The following GRM5 variants were observed in gnomAD, a reference collection of about 807,000 sequenced individuals.
The protein encoded by GRM5 is glutamate metabotropic receptor 5.
Under a neutral mutation model 83.1 loss-of-function variants are expected in GRM5, and 19 were observed. The observed-to-expected ratio is 0.23, with a 90% CI of 0.16 to 0.34. GRM5 has a LOEUF of 0.34. Ranked by LOEUF, GRM5 falls within the 10% of genes least tolerant of loss-of-function variation. The pLI, the probability that GRM5 is intolerant of heterozygous loss-of-function variation, is 1.00. For synonymous variants in GRM5, 675 were observed against 633.6 expected (o/e 1.07, Z -0.98); for missense variants, 1,160 against 1,588.3 (o/e 0.73, Z 4.58).
intron 2 of GRM5, among the ~76,000 whole-genome samples, chr11:89,018,062 A>G (rs549540999): frequency 6.6e-5 from 10 of 152,284 alleles, no homozygotes; most frequent in South Asian, 4.1e-4. Context: ...GATAATTTAA[A>G]TTTCAGGTTT....
chr11:88,669,273 A>G (rs1012138959), intron 3 of GRM5, among the ~76,000 whole-genome samples: 4 of 152,128 alleles, frequency 2.6e-5, no homozygotes, highest in Non-Finnish European at 5.9e-5. Flanking sequence ...AGAAAACGTG[A>G]CAAATTCAAC....
At chr11:88,614,760 G>C (rs1349235974) in intron 4 of GRM5, among the ~76,000 whole-genome samples, 1 of 152,118 alleles carries the variant, frequency 6.6e-6, no homozygotes, top group Non-Finnish European at 1.5e-5. Flanking sequence ...TATCCACACT[G>C]TATATATAAA....
At chr11:88,875,464 G>A (rs763515840) in intron 2 of GRM5, among the ~76,000 whole-genome samples, 4 of 151,802 alleles carry the variant, frequency 2.6e-5, no homozygotes, top group African/African-American at 4.8e-5. Flanking sequence ...TCATCCATGA[G>A]GGTTGGAATC....
At chr11:88,974,836 T>C (rs564408688) in intron 2 of GRM5, among the ~76,000 whole-genome samples, 1 of 152,252 alleles carries the variant, frequency 6.6e-6, no homozygotes, top group South Asian at 2.1e-4. Context: ...AGGAACATAC[T>C]AGAAAGAAAA....
At chr11:88,696,179 T>C (rs1259965198) in intron 3 of GRM5, among the ~76,000 whole-genome samples, 1 of 152,054 alleles carries the variant, frequency 6.6e-6, no homozygotes, top group Non-Finnish European at 1.5e-5. Flanking sequence ...TGCCCAGCGG[T>C]AGGGCTCTCC....
intron 4 of GRM5, among the ~76,000 whole-genome samples, chr11:88,625,799 TAAAAGCAACAA>T (rs911843658): frequency 4.0e-5 from 6 of 151,618 alleles, no homozygotes; most frequent in African/African-American, 1.5e-4. Context: ...GAAATGAAAA[TAAAAGCAACAA>T]AAAAATCAGA....
At chr11:88,747,970 G>A (rs765975294) in intron 3 of GRM5, among the ~76,000 whole-genome samples, 1 of 152,102 alleles carries the variant, frequency 6.6e-6, no homozygotes, top group Non-Finnish European at 1.5e-5. Flanking sequence ...GGATTGACTA[G>A]GCAAACAACC....
chr11:88,714,193 G>A (rs1294994367), intron 3 of GRM5, among the ~76,000 whole-genome samples: 1 of 152,004 alleles, frequency 6.6e-6, no homozygotes, highest in Non-Finnish European at 1.5e-5. Flanking sequence ...AGAAGGTGGG[G>A]AAGTCACAAC....
rs146227785 is a variant in GRM5 at position 88,820,194 on chromosome 11, C to T, written c.911+29712G>A. Among the ~76,000 whole-genome samples the T allele has an allele frequency of 2.6e-4, 39 of 150,128 alleles. No individual in the cohort carries two copies. The East Asian group carries it at 6.8e-3, about 26-fold the overall frequency. On this transcript the variant is annotated intron_variant, in intron 3 of 9. Coordinates refer to ENST00000305447, the MANE Select transcript of GRM5 (RefSeq NM_001143831.3). ...AGGAGATCGAGACCATTCTGGGTAACACAGTGAAACCCCATCTCTACTAAA... is the reference window on the plus strand; with the variant it reads ...AGGAGATCGAGACCATTCTGGGTAATACAGTGAAACCCCATCTCTACTAAA...
chr11:88,906,173 A>G (rs1196041416), intron 2 of GRM5, among the ~76,000 whole-genome samples: 2 of 152,178 alleles, frequency 1.3e-5, no homozygotes, highest in African/African-American at 4.8e-5. Context: ...GTAAATCAAA[A>G]GCATTTATGG....
At chr11:88,691,047 A>ATAAG (rs1363438677) in intron 3 of GRM5, among the ~76,000 whole-genome samples, 2 of 152,170 alleles carry the variant, frequency 1.3e-5, no homozygotes, top group African/African-American at 4.8e-5. Flanking sequence ...TCTTCTGTAA[A>ATAAG]TAAGTTTCCA....
intron 2 of GRM5, among the ~76,000 whole-genome samples, chr11:88,956,478 A>C (rs1165041620): frequency 2.0e-5 from 3 of 152,220 alleles, no homozygotes; most frequent in Non-Finnish European, 4.4e-5. Flanking sequence ...AAGAATTCAT[A>C]GTCTCCTAGG....
chr11:88,955,451 T>A (rs1419255650), intron 2 of GRM5, among the ~76,000 whole-genome samples: 1 of 152,190 alleles, frequency 6.6e-6, no homozygotes, highest in Admixed American at 6.5e-5. Flanking sequence ...TAACTCTTGA[T>A]GAAGGCACAG....
intron 2 of GRM5, among the ~76,000 whole-genome samples, chr11:88,922,959 A>G (rs1406106623): frequency 6.6e-6 from 1 of 152,206 alleles, no homozygotes; most frequent in Non-Finnish European, 1.5e-5. Context: ...CAAATGGCAA[A>G]TGAGTAAATG....
intron 3 of GRM5, among the ~76,000 whole-genome samples, chr11:88,703,455 T>C (rs936144819): frequency 6.6e-6 from 1 of 152,096 alleles, no homozygotes; most frequent in Admixed American, 6.6e-5. Context: ...AGTGGGACTA[T>C]GGGTCAAACC....
Position 89,058,020 on chromosome 11 carries a change from T to C in GRM5, c.-201+7756A>G, listed in dbSNP as rs867578056. Among the ~76,000 whole-genome samples, 5 of 152,088 alleles carry C rather than the reference T, an allele frequency of 3.3e-5. No homozygotes were observed. In the South Asian group the frequency reaches 6.2e-4, roughly 19 times the overall value. On this transcript the variant is annotated intron_variant, in intron 1 of 9. Transcript: ENST00000305447. Reference sequence around the variant, plus strand: ...TACAATAAATGGCAGAACCAGGACATGAATCCAACTATATTTGGCTCCAAA... The same window carrying C: ...TACAATAAATGGCAGAACCAGGACACGAATCCAACTATATTTGGCTCCAAA...
intron 2 of GRM5, among the ~76,000 whole-genome samples, chr11:88,871,242 TA>T (rs1944762774): frequency 6.6e-6 from 1 of 151,512 alleles, no homozygotes; most frequent in Non-Finnish European, 1.5e-5. Flanking sequence ...GCAGAGAGAT[TA>T]AACAACTTAC....
At chr11:88,975,489 T>C (rs1224982493) in intron 2 of GRM5, among the ~76,000 whole-genome samples, 2 of 152,228 alleles carry the variant, frequency 1.3e-5, no homozygotes. Context: ...TCTAACAAAC[T>C]CTCACATCAT....
At chr11:88,542,677 T>G (rs983289464) in intron 8 of GRM5, among the ~76,000 whole-genome samples, 8 of 152,200 alleles carry the variant, frequency 5.3e-5, no homozygotes, top group African/African-American at 1.9e-4. Context: ...GAAAATACAT[T>G]TCACAGCCTC....
Sources: gnomAD v4.1 joint callset for allele counts (sites outside exome capture counted in the v4.1 genomes callset) on GRCh38, gnomAD v4.1.1 for gene constraint, MANE v1.5 for transcripts, NCBI Gene and HGNC (gene_info 2026-07-23, HGNC 2026-07-21) for gene names.